ADAM12: variants seen among roughly 807,000 people sequenced by gnomAD.
The protein encoded by ADAM12 is disintegrin and metalloproteinase domain-containing protein 12.
Under a neutral mutation model 106.4 loss-of-function variants are expected in ADAM12, and 70 were observed. The ratio of observed to expected loss-of-function variants is 0.66; its 90% CI spans 0.54 to 0.80. The LOEUF (loss-of-function observed/expected upper bound fraction) is 0.80. ADAM12 is among the 30% of genes least tolerant of loss of function. The pLI, the probability that ADAM12 is intolerant of heterozygous loss-of-function variation, is 0.00. For missense variants in ADAM12, 1,010 were observed against 1,171.9 expected (o/e 0.86, Z 2.02); for synonymous variants, 420 against 433.5 (o/e 0.97, Z 0.39).
At chr10:126,338,574 G>T (rs1437332755) in intron 1 of ADAM12, among the ~76,000 whole-genome samples, 2 of 152,190 alleles carry the variant, frequency 1.3e-5, no homozygotes, top group South Asian at 4.1e-4. Context: ...TTTTATAACC[G>T]TTACTGGTGA....
intron 3 of ADAM12, among the ~76,000 whole-genome samples, chr10:126,168,168 T>C (rs1957057862): frequency 1.3e-5 from 2 of 152,230 alleles, no homozygotes; most frequent in Admixed American, 6.5e-5. Context: ...GGGTCTTTCT[T>C]ACTCACTTCT....
At chr10:126,361,760 AT>A (rs1215376606) in intron 1 of ADAM12, among the ~76,000 whole-genome samples, 1 of 152,182 alleles carries the variant, frequency 6.6e-6, no homozygotes, top group South Asian at 2.1e-4. Context: ...TTGGACACTT[AT>A]CTCACACTAT....
chr10:126,362,570 TAAAGA>T (rs1364828330), intron 1 of ADAM12, among the ~76,000 whole-genome samples: 1 of 152,076 alleles, frequency 6.6e-6, no homozygotes, highest in Non-Finnish European at 1.5e-5. Context: ...AACAGATGAA[TAAAGA>T]AAATGTAGTA....
At chr10:126,042,263 G>A in intron 18 of ADAM12, 2 of 1,610,848 alleles carry the variant, frequency 1.2e-6, no homozygotes, top group Non-Finnish European at 1.7e-6. Context: ...GCATCATTTA[G>A]ACTTGCCCCT....
chr10:126,144,193 G>A (rs1434551584), intron 4 of ADAM12, among the ~76,000 whole-genome samples: 1 of 152,148 alleles, frequency 6.6e-6, no homozygotes, highest in Non-Finnish European at 1.5e-5. Context: ...CAGGCAAACT[G>A]GGCCTGGGAA....
intron 12 of ADAM12, among the ~76,000 whole-genome samples, chr10:126,067,775 A>T (rs1395250364): frequency 6.6e-6 from 1 of 152,256 alleles, no homozygotes; most frequent in Non-Finnish European, 1.5e-5. Context: ...TATCCAGTAT[A>T]TGATATGCTT....
chr10:126,121,822 C>G (rs147408890), intron 5 of ADAM12, among the ~76,000 whole-genome samples: 1 of 152,122 alleles, frequency 6.6e-6, no homozygotes, highest in African/African-American at 2.4e-5. Flanking sequence ...GACAGTATCT[C>G]AACGCTCAAA....
chr10:126,048,221 T>A (rs1057312347), intron 16 of ADAM12, among the ~76,000 whole-genome samples: 1 of 152,102 alleles, frequency 6.6e-6, no homozygotes, highest in African/African-American at 2.4e-5. Flanking sequence ...GACAAAATAA[T>A]CTGTACCACA....
chr10:126,205,507 A>G (rs904273190), intron 3 of ADAM12, among the ~76,000 whole-genome samples: 2 of 152,192 alleles, frequency 1.3e-5, no homozygotes, highest in Non-Finnish European at 2.9e-5. Context: ...GCTTGTTACC[A>G]TTTCTTGAAG....
chr10:126,087,457 T>A lies in ADAM12; in HGVS notation c.1145+6528A>T, dbSNP rs113807123. Among the ~76,000 whole-genome samples the A allele has an allele frequency of 7.2e-5, 11 of 152,254 alleles. 2 individuals carry two copies. Among genetic ancestry groups the A allele is most frequent in the African/African-American group, 2.6e-4 (11 of 41,562 alleles). ...TAGTAGTGTTTTCATCTTACCAGAG[T>A]TCCTCATTCTGTAGCTGTTCCTCCT... On this transcript the variant is annotated intron_variant, in intron 11 of 22. Transcript: ENST00000448723.
chr10:126,215,316 A>G (rs1387436709), intron 3 of ADAM12, among the ~76,000 whole-genome samples: 1 of 152,178 alleles, frequency 6.6e-6, no homozygotes. Flanking sequence ...GCACAGGGAC[A>G]ATCCCATGGT....
chr10:126,330,122 A>G (rs968643794), intron 2 of ADAM12, among the ~76,000 whole-genome samples: 8 of 152,228 alleles, frequency 5.3e-5, no homozygotes, highest in Non-Finnish European at 7.3e-5. Context: ...AATGCCCATC[A>G]TTCATTCAGT....
intron 3 of ADAM12, among the ~76,000 whole-genome samples, chr10:126,244,291 A>G (rs1356872907): frequency 2.0e-5 from 3 of 152,210 alleles, no homozygotes; most frequent in African/African-American, 7.2e-5. Flanking sequence ...GGGGAAAACC[A>G]GCCGAGGGTT....
intron 1 of ADAM12, among the ~76,000 whole-genome samples, chr10:126,332,753 C>T (rs548971425): frequency 1.3e-5 from 2 of 152,028 alleles, no homozygotes; most frequent in African/African-American, 4.8e-5. Flanking sequence ...GTGGTGAGCC[C>T]GAGGGAAATC....
chr10:126,267,541 A>G (rs1959122472), intron 3 of ADAM12, among the ~76,000 whole-genome samples: 1 of 152,120 alleles, frequency 6.6e-6, no homozygotes, highest in African/African-American at 2.4e-5. Context: ...GGCAGCCTAG[A>G]TCCCTCCCAT....
intron 18 of ADAM12, among the ~76,000 whole-genome samples, chr10:126,039,722 C>CA (rs1954126653): frequency 6.6e-6 from 1 of 152,182 alleles, no homozygotes. Flanking sequence ...GACAACGGCA[C>CA]AGTGGACCAT....
intron 4 of ADAM12, among the ~76,000 whole-genome samples, chr10:126,147,919 C>T (rs187681940): frequency 7.2e-5 from 11 of 152,322 alleles, no homozygotes; most frequent in South Asian, 2.1e-4. Context: ...ATGTAACAGA[C>T]GAATGTATTC....
chr10:126,245,071 G>C (rs1958602456), intron 3 of ADAM12, among the ~76,000 whole-genome samples: 1 of 152,166 alleles, frequency 6.6e-6, no homozygotes, highest in African/African-American at 2.4e-5. Context: ...AGCAAGGCTG[G>C]GGCATGACAC....
intron 2 of ADAM12, among the ~76,000 whole-genome samples, chr10:126,324,117 T>C (rs1385242627): frequency 1.3e-5 from 2 of 152,226 alleles, no homozygotes; most frequent in Non-Finnish European, 2.9e-5. Flanking sequence ...TGTGCAAGGC[T>C]GAATTTGCAT....
Sources: allele counts gnomAD v4.1 joint callset (sites outside exome capture counted in the v4.1 genomes callset), GRCh38; gene constraint gnomAD v4.1.1; transcripts MANE v1.5; gene names NCBI Gene and HGNC (gene_info 2026-07-23, HGNC 2026-07-21).